The following KCNQ5 variants were observed in gnomAD, a reference collection of about 807,000 sequenced individuals.
KCNQ5 encodes potassium voltage-gated channel subfamily Q member 5.
A neutral mutation model predicts 98.2 loss-of-function variants in KCNQ5; 30 were observed. The observed-to-expected ratio is 0.31, with a 90% CI of 0.23 to 0.41. KCNQ5 has a LOEUF of 0.41. Ranked by LOEUF, KCNQ5 falls within the 10% of genes least tolerant of loss-of-function variation. The pLI, the probability that KCNQ5 is intolerant of heterozygous loss-of-function variation, is 1.00. For missense variants in KCNQ5, 835 were observed against 1,182.5 expected (o/e 0.71, Z 4.31); for synonymous variants, 458 against 449.4 (o/e 1.02, Z -0.24).
intron 3 of KCNQ5, among the ~76,000 whole-genome samples, chr6:73,044,829 T>A (rs1771890400): frequency 6.6e-6 from 1 of 152,172 alleles, no homozygotes; most frequent in Non-Finnish European, 1.5e-5. Context: ...AGCTAAAACC[T>A]CCCAAAACTT....
chr6:72,790,904 GT>G (rs548041097), intron 1 of KCNQ5, among the ~76,000 whole-genome samples: 1 of 152,118 alleles, frequency 6.6e-6, no homozygotes, highest in Non-Finnish European at 1.5e-5. Context: ...GTTTTTGTTT[GT>G]TTGTTGTTTT....
At chr6:72,984,777 C>A (rs1290638218) in intron 1 of KCNQ5, among the ~76,000 whole-genome samples, 1 of 152,204 alleles carries the variant, frequency 6.6e-6, no homozygotes, top group African/African-American at 2.4e-5. Context: ...ATGCAGAAAT[C>A]ACCCGTCTTC....
intron 1 of KCNQ5, among the ~76,000 whole-genome samples, chr6:72,653,477 A>T (rs1014867137): frequency 3.3e-5 from 5 of 152,022 alleles, no homozygotes; most frequent in African/African-American, 4.8e-5. Flanking sequence ...ATGCCTTTTA[A>T]AATTCTTACT....
intron 1 of KCNQ5, among the ~76,000 whole-genome samples, chr6:72,786,937 C>T (rs1200196268): frequency 3.6e-5 from 5 of 138,014 alleles, no homozygotes; most frequent in East Asian, 2.2e-4. Flanking sequence ...ACCCAGGAGG[C>T]GAGCTTGCAG....
At chr6:72,829,145 G>C (rs1440340648) in intron 1 of KCNQ5, among the ~76,000 whole-genome samples, 1 of 152,068 alleles carries the variant, frequency 6.6e-6, no homozygotes, top group Non-Finnish European at 1.5e-5. Context: ...GCTCTCCAGA[G>C]AGGCTCTCAT....
chr6:72,935,240 T>C (rs1296393960), intron 1 of KCNQ5, among the ~76,000 whole-genome samples: 1 of 151,836 alleles, frequency 6.6e-6, no homozygotes, highest in African/African-American at 2.4e-5. Context: ...CCAGCTAATT[T>C]TTGTATTTTT....
intron 1 of KCNQ5, among the ~76,000 whole-genome samples, chr6:72,684,252 T>C (rs1165065612): frequency 6.6e-6 from 1 of 152,200 alleles, no homozygotes; most frequent in Non-Finnish European, 1.5e-5. Context: ...GAGGCTTTTG[T>C]GTGCACTGGC....
rs1252164215 is a variant in KCNQ5 at position 73,195,215 on chromosome 6, C to T, written c.2600C>T (p.Ser867Phe). 3 of 1,614,032 alleles carry T rather than the reference C, an allele frequency of 1.9e-6. No homozygotes were observed. The highest frequency in any genetic ancestry group is 2.5e-6 in the Non-Finnish European group (3 of 1,180,036). The part of the protein sequence containing the change: ...SQDFYPKWRE[S>F]KLFITDEEVG... ...GATTTTTACCCCAAATGGAGGGAAT[C>T]CAAATTGTTTATAACTGATGAAGAG... The change falls in exon 14 of 14, where the codon TCC becomes TTC. Residue 867 changes from serine (S) to phenylalanine (F), a missense_variant. By Grantham distance (155) the Ser-to-Phe change is radical. Transcript: ENST00000370398.
chr6:73,092,284 T>A (rs577894204), intron 5 of KCNQ5, among the ~76,000 whole-genome samples: 1 of 152,092 alleles, frequency 6.6e-6, no homozygotes, highest in South Asian at 2.1e-4. Context: ...TCTGGAGGAG[T>A]CTTTAGGGTT....
chr6:72,779,070 G>C (rs753436181), intron 1 of KCNQ5, among the ~76,000 whole-genome samples: 2 of 152,210 alleles, frequency 1.3e-5, no homozygotes, highest in African/African-American at 2.4e-5. Flanking sequence ...CTTTGAAAGT[G>C]TGGATGAAAT....
chr6:72,796,470 T>TGAGGCC lies in KCNQ5; in HGVS notation c.398+173884_398+173889dup, dbSNP rs535939180. ...TACCTCAATTCATTAGAGCTGATAA[T>TGAGGCC]GAGGCCAAGGCCAAGGCCAGGGCTA... On this transcript the variant is annotated intron_variant, in intron 1 of 13. Coordinates refer to ENST00000370398, the MANE Select transcript of KCNQ5 (RefSeq NM_019842.4). Among the ~76,000 whole-genome samples the TGAGGCC allele has an allele frequency of 8.4e-4, 128 of 152,250 alleles. 1 individual carries two copies. The highest frequency in any genetic ancestry group is 1.9e-3 in the Admixed American group (29 of 15,288).
chr6:72,655,018 G>GTCTT (rs1392372301), intron 1 of KCNQ5, among the ~76,000 whole-genome samples: 24 of 90,590 alleles, frequency 2.6e-4, no homozygotes, highest in Middle Eastern at 4.5e-3. Flanking sequence ...AATAGCCAAG[G>GTCTT]TCTGTCTGTC....
chr6:72,629,795 G>A (rs949017623), intron 1 of KCNQ5, among the ~76,000 whole-genome samples: 7 of 152,080 alleles, frequency 4.6e-5, no homozygotes, highest in African/African-American at 1.7e-4. Flanking sequence ...TTTTTCTTCA[G>A]CCATTTATGA....
At chr6:72,878,763 T>A (rs1265029896) in intron 1 of KCNQ5, among the ~76,000 whole-genome samples, 1 of 152,224 alleles carries the variant, frequency 6.6e-6, no homozygotes. Context: ...TTAAAAACTT[T>A]TTTGTTCTAA....
At chr6:72,741,777 G>GA (rs1409451790) in intron 1 of KCNQ5, among the ~76,000 whole-genome samples, 1 of 152,000 alleles carries the variant, frequency 6.6e-6, no homozygotes, top group Admixed American at 6.6e-5. Flanking sequence ...AGATCTATGA[G>GA]AAAAAAACAA....
intron 1 of KCNQ5, among the ~76,000 whole-genome samples, chr6:72,985,276 C>T (rs574001694): frequency 6.6e-6 from 1 of 152,230 alleles, no homozygotes; most frequent in Admixed American, 6.5e-5. Flanking sequence ...CAGAAATTCT[C>T]CAAAGAACTC....
intron 2 of KCNQ5, among the ~76,000 whole-genome samples, chr6:73,024,154 C>A (rs1328291855): frequency 6.6e-6 from 1 of 152,090 alleles, no homozygotes; most frequent in African/African-American, 2.4e-5. Flanking sequence ...GAACTGTAAG[C>A]AGTCAGTCCT....
At chr6:72,624,279 G>A (rs2098916981) in intron 1 of KCNQ5, among the ~76,000 whole-genome samples, 1 of 152,128 alleles carries the variant, frequency 6.6e-6, no homozygotes, top group Non-Finnish European at 1.5e-5. Flanking sequence ...ATTTTGACCT[G>A]TCAGAATATA....
At chr6:72,710,362 C>T (rs926390347) in intron 1 of KCNQ5, among the ~76,000 whole-genome samples, 3 of 152,214 alleles carry the variant, frequency 2.0e-5, no homozygotes, top group Admixed American at 6.5e-5. Context: ...ATTATCCAAT[C>T]AAAAGGCATA....
Sources: allele counts gnomAD v4.1 joint callset (sites outside exome capture counted in the v4.1 genomes callset), GRCh38; gene constraint gnomAD v4.1.1; transcripts MANE v1.5; gene names NCBI Gene and HGNC (gene_info 2026-07-23, HGNC 2026-07-21).